CADM2: variants seen among roughly 807,000 people sequenced by gnomAD.
The protein encoded by CADM2 is immunoglobulin superfamily member 4D.
CADM2 carries 12 observed loss-of-function variants against 49.8 expected under a neutral mutation model. That is an observed-to-expected ratio of 0.24 (90% CI 0.15 to 0.39). The LOEUF (loss-of-function observed/expected upper bound fraction) is 0.39, where lower values mean the gene tolerates loss of function less well. Ranked by LOEUF, CADM2 falls within the 10% of genes least tolerant of loss-of-function variation. The pLI is 1.00. For missense variants in CADM2, 378 were observed against 492.3 expected (o/e 0.77, Z 2.20); for synonymous variants, 214 against 175.4 (o/e 1.22, Z -1.74).
intron 1 of CADM2, among the ~76,000 whole-genome samples, chr3:85,680,247 T>C (rs933759082): frequency 6.6e-6 from 1 of 152,126 alleles, no homozygotes; most frequent in East Asian, 1.9e-4. Flanking sequence ...TAAGAAGTTC[T>C]GATTAATATA....
chr3:85,259,164 G>A (rs1005942266), intron 1 of CADM2, among the ~76,000 whole-genome samples: 15 of 152,116 alleles, frequency 9.9e-5, no homozygotes, highest in African/African-American at 3.4e-4. Context: ...TTACCATTTA[G>A]TAAATAGCAA....
chr3:86,054,901 T>C (rs1402677848), intron 8 of CADM2, among the ~76,000 whole-genome samples: 2 of 152,188 alleles, frequency 1.3e-5, no homozygotes, highest in Non-Finnish European at 2.9e-5. Flanking sequence ...ATTTTTTTTC[T>C]TAATGGTTGT....
intron 1 of CADM2, among the ~76,000 whole-genome samples, chr3:85,472,015 G>T (rs2038792247): frequency 6.6e-6 from 1 of 151,828 alleles, no homozygotes; most frequent in Non-Finnish European, 1.5e-5. Context: ...TGTAGTAAAA[G>T]TTTAGTGAAG....
Position 85,468,263 on chromosome 3 carries a change from T to C in CADM2, c.62-258259T>C, listed in dbSNP as rs192077561. On this transcript the variant is annotated intron_variant, in intron 1 of 9. Coordinates refer to ENST00000383699, the MANE Select transcript of CADM2 (RefSeq NM_001167675.2). ...CATGTTCTCCCTGTGTCTGCATGGG[T>C]TTTCTGCAGGTACTCTGGTTGCCTC... 5.1e-3 allele frequency among the ~76,000 whole-genome samples: 769 copies of C among 150,994 alleles called. 7 individuals are homozygous for C. Among genetic ancestry groups the C allele is most frequent in the African/African-American group, 0.018 (736 of 40,888 alleles).
intron 1 of CADM2, among the ~76,000 whole-genome samples, chr3:85,617,475 A>C (rs149953156): frequency 3.8e-4 from 58 of 152,218 alleles, no homozygotes; most frequent in African/African-American, 1.4e-3. Flanking sequence ...CACGCAGATG[A>C]GTTTTGTTCA....
intron 1 of CADM2, among the ~76,000 whole-genome samples, chr3:85,090,046 A>G (rs1392104545): frequency 1.3e-5 from 2 of 152,114 alleles, no homozygotes; most frequent in African/African-American, 4.8e-5. Context: ...TTTTCCAGAC[A>G]TAATATTGAA....
At chr3:85,290,292 C>T (rs1414285547) in intron 1 of CADM2, among the ~76,000 whole-genome samples, 1 of 152,134 alleles carries the variant, frequency 6.6e-6, no homozygotes, top group African/African-American at 2.4e-5. Context: ...GGTCCTACGC[C>T]CACGGAATCT....
chr3:85,456,053 A>C (rs1407015838), intron 1 of CADM2, among the ~76,000 whole-genome samples: 2 of 152,194 alleles, frequency 1.3e-5, no homozygotes, highest in African/African-American at 4.8e-5. Flanking sequence ...CTAACTTTTG[A>C]TCTATACAGA....
At chr3:85,340,905 G>A (rs1008935096) in intron 1 of CADM2, among the ~76,000 whole-genome samples, 22 of 151,420 alleles carry the variant, frequency 1.5e-4, no homozygotes, top group East Asian at 3.9e-4. Context: ...ACTTCATTCC[G>A]TATATACTCT....
chr3:85,625,450 G>A (rs534015030), intron 1 of CADM2, among the ~76,000 whole-genome samples: 23 of 152,082 alleles, frequency 1.5e-4, no homozygotes, highest in African/African-American at 5.5e-4. Flanking sequence ...ATATTAAACA[G>A]TCACCTTTAC....
intron 1 of CADM2, among the ~76,000 whole-genome samples, chr3:85,404,035 T>C (rs1036411874): frequency 6.6e-6 from 1 of 152,150 alleles, no homozygotes; most frequent in Non-Finnish European, 1.5e-5. Flanking sequence ...TATGTAGATA[T>C]ATGACATACA....
rs371655908 is a variant in CADM2 at position 85,799,519 on chromosome 3, T to C, written c.89-2528T>C. Among the ~76,000 whole-genome samples, 9 of 152,300 alleles carry C rather than the reference T, an allele frequency of 5.9e-5. 1 individual carries two copies. The East Asian group carries it at 9.7e-4, about 16-fold the overall frequency. On this transcript the variant is annotated intron_variant, in intron 2 of 9. Transcript: ENST00000383699. ...TCGTCAAAGGCCTTTTCTTTATCTATTGAGATAATCATGTGGTTTTTGTCA... is the reference window on the plus strand; with the variant it reads ...TCGTCAAAGGCCTTTTCTTTATCTACTGAGATAATCATGTGGTTTTTGTCA...
intron 2 of CADM2, among the ~76,000 whole-genome samples, chr3:85,738,815 T>G (rs2068255165): frequency 6.6e-6 from 1 of 152,182 alleles, no homozygotes; most frequent in Admixed American, 6.5e-5. Context: ...TGTTCTATTT[T>G]AAAATGTAGC....
intron 1 of CADM2, among the ~76,000 whole-genome samples, chr3:85,580,093 C>T (rs1332218158): frequency 1.3e-5 from 2 of 152,114 alleles, no homozygotes; most frequent in Non-Finnish European, 2.9e-5. Context: ...TACATAATCT[C>T]AGTTTACACC....
chr3:85,979,159 A>G, intron 8 of CADM2: 1 of 1,608,040 alleles, frequency 6.2e-7, no homozygotes, highest in Non-Finnish European at 8.5e-7. Context: ...TTTTCCACTC[A>G]CCAGATGTTC....
At chr3:85,893,753 T>C (rs1714807034) in intron 5 of CADM2, among the ~76,000 whole-genome samples, 1 of 152,134 alleles carries the variant, frequency 6.6e-6, no homozygotes, top group Admixed American at 6.5e-5. Context: ...AAAATGCTCA[T>C]CATCACTGGC....
chr3:85,121,047 C>T (rs1199609906), intron 1 of CADM2, among the ~76,000 whole-genome samples: 1 of 152,136 alleles, frequency 6.6e-6, no homozygotes, highest in Non-Finnish European at 1.5e-5. Flanking sequence ...CCACTTGAGA[C>T]AAGGAGGCAC....
intron 1 of CADM2, among the ~76,000 whole-genome samples, chr3:85,515,625 ATATATATTTT>A: frequency 8.7e-6 from 1 of 114,974 alleles, no homozygotes; most frequent in African/African-American, 3.6e-5. Context: ...ATATATATAT[ATATATATTTT>A]TTTTTTTTGT....
intron 1 of CADM2, among the ~76,000 whole-genome samples, chr3:85,339,329 A>C (rs1037560701): frequency 6.6e-6 from 1 of 151,520 alleles, no homozygotes; most frequent in East Asian, 1.9e-4. Context: ...ATGTTAAAGC[A>C]CAAAGTACTG....
Sources: gnomAD v4.1 joint callset for allele counts (sites outside exome capture counted in the v4.1 genomes callset) on GRCh38, gnomAD v4.1.1 for gene constraint, MANE v1.5 for transcripts, NCBI Gene and HGNC (gene_info 2026-07-23, HGNC 2026-07-21) for gene names.